The following ARHGAP26 variants were observed in gnomAD, a reference collection of about 807,000 sequenced individuals.
ARHGAP26 encodes the protein Rho GTPase activating protein 26.
In ARHGAP26, 38 loss-of-function variants were observed where a neutral mutation model predicts 104.8. That is an observed-to-expected ratio of 0.36 (90% CI 0.28 to 0.48). The LOEUF (loss-of-function observed/expected upper bound fraction) is 0.48. Ranked by LOEUF, ARHGAP26 falls within the 20% of genes least tolerant of loss-of-function variation. The pLI, the probability that ARHGAP26 is intolerant of heterozygous loss-of-function variation, is 0.99. For synonymous variants in ARHGAP26, 341 were observed against 340.0 expected (o/e 1.00, Z -0.03); for missense variants, 704 against 947.9 (o/e 0.74, Z 3.38).
At chr5:143,161,341 T>A (rs890176565) in intron 20 of ARHGAP26, among the ~76,000 whole-genome samples, 2 of 152,078 alleles carry the variant, frequency 1.3e-5, no homozygotes, top group Non-Finnish European at 2.9e-5. Context: ...TAGGGAGCCC[T>A]AACTTAAGAA....
chr5:143,219,686 G>T (rs917446223), intron 22 of ARHGAP26, among the ~76,000 whole-genome samples: 1 of 152,200 alleles, frequency 6.6e-6, no homozygotes, highest in African/African-American at 2.4e-5. Context: ...ATGACAATTT[G>T]CATTTTATCT....
In ARHGAP26 at chr5:143,041,909, C is replaced by G. The variant is rs371005641; in HGVS notation, c.1285+19C>G. 1 of 1,570,586 alleles carries G rather than the reference C, an allele frequency of 6.4e-7. No homozygotes were observed. The highest frequency in any genetic ancestry group is 1.4e-5 in the African/African-American group (1 of 73,856). On this transcript the variant is annotated intron_variant, in intron 14 of 22. Transcript: ENST00000645722. ...CTGATGGGTGAGTGCCGCAGTGGCT[C>G]TGCTAGGCAGGTCCCTGGATGGGGG...
chr5:142,849,166 T>C (rs567564452), intron 1 of ARHGAP26, among the ~76,000 whole-genome samples: 2 of 152,214 alleles, frequency 1.3e-5, no homozygotes, highest in Non-Finnish European at 2.9e-5. Flanking sequence ...GTCAGCAGTT[T>C]TGACAAATGA....
chr5:143,115,737 C>T (rs375120882), intron 17 of ARHGAP26, among the ~76,000 whole-genome samples: 46 of 152,296 alleles, frequency 3.0e-4, no homozygotes, highest in African/African-American at 1.1e-3. Flanking sequence ...TTCAAGTTTA[C>T]AAGCTACAAG....
In ARHGAP26 at chr5:142,990,175, ACTTCT is replaced by A. The variant is rs529877778; in HGVS notation, c.1108-23898_1108-23894del. Among the ~76,000 whole-genome samples the A allele has an allele frequency of 1.2e-3, 182 of 151,788 alleles. 1 individual carries two copies. The highest frequency in any genetic ancestry group is 4.2e-3 in the African/African-American group (174 of 41,374). On this transcript the variant is annotated intron_variant, in intron 11 of 22. Coordinates refer to ENST00000645722, the MANE Select transcript of ARHGAP26 (RefSeq NM_001135608.3). ...TTTCTTTTTACTCTTTTTTCTCTAAACTTCTCTTCTCGCTTCATTTCATTCATTTG... is the reference window on the plus strand; with the variant it reads ...TTTCTTTTTACTCTTTTTTCTCTAAACTTCTCGCTTCATTTCATTCATTTG...
chr5:142,775,657 A>G (rs1240616330), intron 1 of ARHGAP26, among the ~76,000 whole-genome samples: 1 of 152,134 alleles, frequency 6.6e-6, no homozygotes, highest in Non-Finnish European at 1.5e-5. Flanking sequence ...CCCCAACCCT[A>G]GTAACCTCTA....
intron 14 of ARHGAP26, among the ~76,000 whole-genome samples, chr5:143,047,634 C>T (rs1457547983): frequency 1.3e-5 from 2 of 152,088 alleles, no homozygotes; most frequent in Non-Finnish European, 2.9e-5. Context: ...TACTGTTTTG[C>T]ATATAAATTA....
At chr5:143,185,500 G>T (rs930446630) in intron 20 of ARHGAP26, among the ~76,000 whole-genome samples, 3 of 152,094 alleles carry the variant, frequency 2.0e-5, no homozygotes, top group African/African-American at 7.2e-5. Flanking sequence ...AAGTAAGCTG[G>T]CTCTGAATAT....
intron 18 of ARHGAP26, among the ~76,000 whole-genome samples, chr5:143,127,578 C>T (rs938148745): frequency 1.3e-5 from 2 of 152,122 alleles, no homozygotes; most frequent in African/African-American, 2.4e-5. Flanking sequence ...TGGATGACCC[C>T]CACTTAACAC....
At chr5:142,935,206 A>T (rs1187469244) in intron 11 of ARHGAP26, among the ~76,000 whole-genome samples, 1 of 152,222 alleles carries the variant, frequency 6.6e-6, no homozygotes, top group East Asian at 1.9e-4. Flanking sequence ...CTGGGAACTT[A>T]CATAATATTT....
At chr5:143,214,661 T>G (rs1212828052) in intron 22 of ARHGAP26, among the ~76,000 whole-genome samples, 1 of 152,122 alleles carries the variant, frequency 6.6e-6, no homozygotes, top group African/African-American at 2.4e-5. Flanking sequence ...TTGACTGTAG[T>G]CACGTCCACA....
intron 14 of ARHGAP26, among the ~76,000 whole-genome samples, chr5:143,050,795 G>A (rs947440219): frequency 6.6e-6 from 1 of 152,186 alleles, no homozygotes; most frequent in Admixed American, 6.5e-5. Flanking sequence ...TACTTGGATA[G>A]AGGATTGATC....
intron 17 of ARHGAP26, among the ~76,000 whole-genome samples, chr5:143,099,152 A>G (rs1366426068): frequency 1.3e-5 from 2 of 152,248 alleles, no homozygotes; most frequent in Non-Finnish European, 1.5e-5. Context: ...AATAATTTGC[A>G]AACATACCAA....
chr5:142,832,283 A>C (rs1222067800), intron 1 of ARHGAP26, among the ~76,000 whole-genome samples: 1 of 152,206 alleles, frequency 6.6e-6, no homozygotes, highest in African/African-American at 2.4e-5. Context: ...AGGGCCTATA[A>C]AGAGGTAATT....
intron 4 of ARHGAP26, among the ~76,000 whole-genome samples, chr5:142,882,536 A>G (rs924979139): frequency 3.9e-5 from 6 of 152,250 alleles, no homozygotes; most frequent in African/African-American, 1.2e-4. Context: ...TCAGACAAAA[A>G]GATACAAATA....
rs183942765 is a variant in ARHGAP26, at chr5:142,993,936, C to A, written c.1108-20144C>A. ...TCCTCCCACCTCACTTCCCAAAGTG[C>A]TGGGATTATAGGCAAGAGCCACTTT... On this transcript the variant is annotated intron_variant, in intron 11 of 22. Coordinates refer to ENST00000645722, the MANE Select transcript of ARHGAP26 (RefSeq NM_001135608.3). 3.9e-5 allele frequency among the ~76,000 whole-genome samples: 6 copies of A among 152,240 alleles called. No homozygotes were observed. In the East Asian group the frequency reaches 1.2e-3, roughly 29 times the overall value.
rs138018413 is a variant in ARHGAP26 at position 142,770,922 on chromosome 5, G to A, written c.154+7G>A. On this transcript the variant is annotated splice_region_variant and intron_variant, in intron 1 of 22. Transcript: ENST00000645722. ...CTCATAAGCGCGCTCAAGAGTGAGTGTCCCGAGCCCCTCGGGGACGCGGCT... is the reference window on the plus strand; with the variant it reads ...CTCATAAGCGCGCTCAAGAGTGAGTATCCCGAGCCCCTCGGGGACGCGGCT... 1.7e-3 allele frequency: 2,697 copies of A among 1,602,120 alleles called. 1 individual carries two copies. The highest frequency in any genetic ancestry group is 2.0e-3 in the Non-Finnish European group (2,387 of 1,173,676).
At chr5:143,076,466 T>G (rs1261907646) in intron 17 of ARHGAP26, among the ~76,000 whole-genome samples, 1 of 152,150 alleles carries the variant, frequency 6.6e-6, no homozygotes, top group Non-Finnish European at 1.5e-5. Context: ...CATACATACT[T>G]GTATGTTTTG....
At chr5:142,938,843 A>G (rs1027351554) in intron 11 of ARHGAP26, among the ~76,000 whole-genome samples, 2 of 152,180 alleles carry the variant, frequency 1.3e-5, no homozygotes, top group African/African-American at 2.4e-5. Flanking sequence ...TCACATTTCA[A>G]GGATTCTTTA....
Sources: allele counts gnomAD v4.1 joint callset (sites outside exome capture counted in the v4.1 genomes callset), GRCh38; gene constraint gnomAD v4.1.1; transcripts MANE v1.5; gene names NCBI Gene and HGNC (gene_info 2026-07-23, HGNC 2026-07-21).